FAM135A: variants seen among roughly 807,000 people sequenced by gnomAD.
The protein encoded by FAM135A is protein FAM135A.
FAM135A carries 79 observed loss-of-function variants against 146.8 expected under a neutral mutation model. The observed-to-expected ratio is 0.54, with a 90% confidence interval of 0.45 to 0.65. FAM135A has a LOEUF of 0.65. Ranked by LOEUF, FAM135A falls within the 30% of genes least tolerant of loss-of-function variation. The pLI is 0.00. For synonymous variants in FAM135A, 562 were observed against 603.6 expected, an observed-to-expected ratio of 0.93 and a Z score of 1.01; for missense variants, 1,623 against 1,758.2, an observed-to-expected ratio of 0.92 and a Z score of 1.38.
intron 4 of FAM135A, among the ~76,000 whole-genome samples, chr6:70,446,442 C>G (rs147835014): frequency 0.019 from 2,834 of 152,298 alleles, 87 homozygotes; most frequent in African/African-American, 0.062. Flanking sequence ...AGCTAAACAT[C>G]CCCTTAGGGG....
intron 18 of FAM135A, 22 bp from the exon 19 acceptor site, chr6:70,536,234 AAATT>A (rs1224911489): frequency 1.3e-6 from 2 of 1,574,050 alleles, no homozygotes; most frequent in Non-Finnish European, 1.7e-6. Flanking sequence ...TGCTGTGAGA[AAATT>A]AATTTTTTTT....
rs1773024138 is a variant in FAM135A at position 70,435,964 on chromosome 6, A to T, written c.77+7545A>T. Among the ~76,000 whole-genome samples, 4 of 152,232 alleles carry T rather than the reference A, an allele frequency of 2.6e-5. No homozygotes were observed. The South Asian group carries it at 6.2e-4, about 24-fold the overall frequency. On this transcript the variant is annotated intron_variant, in intron 4 of 21. Coordinates refer to ENST00000418814, the MANE Select transcript of FAM135A (RefSeq NM_001162529.3). ...TTTGGGAGGCCGAAGCAGGCTGATC[A>T]CCTGAGGTCAGGAGTTCGAGACCAA...
At chr6:70,556,502 C>G (rs1405946704) in intron 20 of FAM135A, among the ~76,000 whole-genome samples, 1 of 152,190 alleles carries the variant, frequency 6.6e-6, no homozygotes, top group Non-Finnish European at 1.5e-5. Flanking sequence ...CTCCACACCA[C>G]TGAGCAACAG....
intron 12 of FAM135A, among the ~76,000 whole-genome samples, chr6:70,509,093 G>A (rs1169861576): frequency 3.9e-5 from 6 of 152,078 alleles, no homozygotes; most frequent in Non-Finnish European, 1.5e-5. Flanking sequence ...CTGCTATTCA[G>A]TTACTTAGTA....
chr6:70,449,138 A>C (rs193152857), intron 4 of FAM135A, among the ~76,000 whole-genome samples: 1 of 151,994 alleles, frequency 6.6e-6, no homozygotes, highest in African/African-American at 2.4e-5. Context: ...ATATTTTAAA[A>C]TTTTTTTTGA....
chr6:70,558,254 C>G (rs1375039230), intron 21 of FAM135A, among the ~76,000 whole-genome samples: 1 of 152,144 alleles, frequency 6.6e-6, no homozygotes, highest in Non-Finnish European at 1.5e-5. Flanking sequence ...TTTTCTATAT[C>G]TGATTGTACT....
chr6:70,415,270 T>C (rs1370321491), intron 1 of FAM135A, 21 bp from the exon 2 acceptor site: 4 of 152,220 alleles, frequency 2.6e-5, no homozygotes, highest in African/African-American at 9.6e-5. Context: ...TTATGTTTAG[T>C]GAAGTTTGTC....
At chr6:70,432,179 C>CTAAA (rs1375279724) in intron 4 of FAM135A, among the ~76,000 whole-genome samples, 16 of 152,028 alleles carry the variant, frequency 1.1e-4, no homozygotes, top group African/African-American at 3.6e-4. Flanking sequence ...AGCCACTAAC[C>CTAAA]TCAGTATTTT....
chr6:70,432,397 AT>A (rs1367478972), intron 4 of FAM135A, among the ~76,000 whole-genome samples: 3 of 152,194 alleles, frequency 2.0e-5, no homozygotes, highest in Non-Finnish European at 2.9e-5. Flanking sequence ...CACTTGAAAA[AT>A]AACTTATAGA....
At chr6:70,523,191 A>T (rs1251367481) in intron 13 of FAM135A, among the ~76,000 whole-genome samples, 1 of 152,192 alleles carries the variant, frequency 6.6e-6, no homozygotes, top group Non-Finnish European at 1.5e-5. Context: ...TTTTCTTGGC[A>T]TTGACTTGTG....
intron 5 of FAM135A, among the ~76,000 whole-genome samples, chr6:70,468,285 G>A (rs1162901562): frequency 6.6e-6 from 1 of 152,186 alleles, no homozygotes; most frequent in African/African-American, 2.4e-5. Flanking sequence ...GCAATGAACA[G>A]CTTTGGAAGT....
chr6:70,441,298 G>T (rs1774409991), intron 4 of FAM135A, among the ~76,000 whole-genome samples: 1 of 152,124 alleles, frequency 6.6e-6, no homozygotes, highest in South Asian at 2.1e-4. Context: ...TGAGATGGGA[G>T]AATTGCTTGA....
chr6:70,462,661 AG>A (rs1779650334), intron 5 of FAM135A, among the ~76,000 whole-genome samples: 1 of 152,150 alleles, frequency 6.6e-6, no homozygotes. Context: ...GTATTTGACC[AG>A]GTTTTTTCTA....
At chr6:70,522,474 T>C in intron 12 of FAM135A, 39 bp from the exon 13 acceptor site, 1 of 1,576,354 alleles carries the variant, frequency 6.3e-7, no homozygotes. Context: ...ACTTTTTAAA[T>C]ACGTCATGTT....
At chr6:70,534,246 A>G (rs950213924) in intron 18 of FAM135A, among the ~76,000 whole-genome samples, 10 of 50,660 alleles carry the variant, frequency 2.0e-4, no homozygotes, top group African/African-American at 1.5e-3. Context: ...AGTTACATAT[A>G]TGTATATGAT....
intron 2 of FAM135A, among the ~76,000 whole-genome samples, chr6:70,415,736 C>T (rs1200269601): frequency 1.3e-5 from 2 of 152,052 alleles, no homozygotes; most frequent in African/African-American, 2.4e-5. Flanking sequence ...TTCCTGTGCT[C>T]TTATAAATTA....
chr6:70,438,710 G>A (rs376409337), intron 4 of FAM135A, among the ~76,000 whole-genome samples: 27 of 152,270 alleles, frequency 1.8e-4, no homozygotes, highest in East Asian at 7.7e-4. Flanking sequence ...CTCGACTTTA[G>A]GAAAGAAAAA....
Position 70,526,657 on chromosome 6 carries a change from G to T in FAM135A, c.3573G>T (p.Ser1191=). Residue 1191 remains serine (S), a synonymous_variant, in exon 15 of 22, where the codon TCG becomes TCT. Transcript: ENST00000418814. ...GTACTTCTTACAACTTCACTTCTTC[G>T]ATTTCCTGGTATGAAAGTTCACCAA... ...PSSTSYNFTS[S]ISWYESSPKP... 6.2e-7 allele frequency: 1 copy of T among 1,608,554 alleles called. No homozygotes were observed. The highest frequency in any genetic ancestry group is 1.1e-5 in the South Asian group (1 of 89,918).
rs761446353 is a variant in FAM135A at position 70,526,616 on chromosome 6, A to G, written c.3532A>G (p.Thr1178Ala). ...YSSKSKFDAI[T>A]KQPSSTSYNF... ...TTCCAAAAGTAAATTTGATGCCATT[A>G]CAAAGCAGCCAAGCAGTACTTCTTA... is the stretch of plus-strand genomic sequence containing the variant. The change falls in exon 15 of 22, where the codon ACA becomes GCA. Residue 1178 changes from threonine to alanine, a missense_variant. By Grantham distance (58) the Thr-to-Ala change is moderately conservative. Around this residue, in one of 7 missense-constraint regions of FAM135A, gnomAD observed 1,061 missense variants for 1,113.8 expected, o/e 0.95. Transcript: ENST00000418814. 2 of 1,613,494 alleles carry G rather than the reference A, an allele frequency of 1.2e-6. No homozygotes were observed. The highest frequency in any genetic ancestry group is 1.7e-6 in the Non-Finnish European group (2 of 1,179,666).
Sources: gnomAD v4.1 joint callset for allele counts (sites outside exome capture counted in the v4.1 genomes callset) on GRCh38, gnomAD v4.1.1 for gene constraint, gnomAD v4.1.1 regional missense constraint, MANE v1.5 for transcripts, NCBI Gene and HGNC (gene_info 2026-07-23, HGNC 2026-07-21) for gene names.